The following ARHGEF38 variants were observed in gnomAD, a reference collection of about 807,000 sequenced individuals.
The protein encoded by ARHGEF38 is Rho guanine nucleotide exchange factor (GEF) 38.
In ARHGEF38, 79 loss-of-function variants were observed where a neutral mutation model predicts 79.9. The observed-to-expected ratio is 0.99, with a 90% CI of 0.82 to 1.19. The LOEUF (loss-of-function observed/expected upper bound fraction) is 1.19, where lower values mean the gene tolerates loss of function less well. Among genes scored for constraint, ARHGEF38 ranks in the 50% most tolerant of loss-of-function variants. The probability of loss-of-function intolerance (pLI) is 0.00; values close to 1 mark genes in which losing one functional copy is unlikely to be tolerated. For missense variants in ARHGEF38, 962 were observed against 907.2 expected (o/e 1.06, Z -0.78); for synonymous variants, 366 against 328.3 (o/e 1.11, Z -1.24).
At chr4:105,676,054 A>G (rs899048079) in intron 13 of ARHGEF38, among the ~76,000 whole-genome samples, 2 of 152,252 alleles carry the variant, frequency 1.3e-5, no homozygotes, top group Non-Finnish European at 2.9e-5. Flanking sequence ...AATCAATTGA[A>G]TCAAAGTTTC....
Position 105,630,914 on chromosome 4 carries a change from G to T in ARHGEF38, c.525G>T (p.Gln175His). 1 of 1,610,884 alleles carries T rather than the reference G, an allele frequency of 6.2e-7. No individual in the cohort carries two copies. The highest frequency in any genetic ancestry group is 8.5e-7 in the Non-Finnish European group (1 of 1,179,024). ...ATTTATCAGGAGAAGTATTCTTGCA[G>T]ATTAAAGGGCCACTGGAAGATATTT... is the stretch of plus-strand genomic sequence containing the variant. Reference protein sequence around the residue: ...AMQVIGEVFLQIKGPLEDIYK... With the variant: ...AMQVIGEVFLHIKGPLEDIYK... Residue 175 changes from glutamine (Q) to histidine (H), a missense_variant, in exon 4 of 14, where the codon CAG (glutamine) becomes CAT (histidine). Gln to His is a conservative substitution (Grantham distance 24). Transcript: ENST00000420470.
intron 5 of ARHGEF38, among the ~76,000 whole-genome samples, chr4:105,642,223 G>T (rs145922402): frequency 6.6e-6 from 1 of 152,004 alleles, no homozygotes; most frequent in Non-Finnish European, 1.5e-5. Flanking sequence ...TCTTTTCTAC[G>T]ATATTGCTTG....
intron 4 of ARHGEF38, among the ~76,000 whole-genome samples, chr4:105,635,137 G>A (rs1729347787): frequency 6.6e-6 from 1 of 152,036 alleles, no homozygotes; most frequent in Non-Finnish European, 1.5e-5. Flanking sequence ...GAGGGTAGGA[G>A]GTATAGTGAT....
intron 1 of ARHGEF38, among the ~76,000 whole-genome samples, chr4:105,585,726 C>CTTTTTTTGTTTTT (rs1727004367): frequency 1.4e-5 from 1 of 71,504 alleles, no homozygotes; most frequent in Non-Finnish European, 2.4e-5. Context: ...CCCTCCGTTG[C>CTTTTTTTGTTTTT]TTTTTTTTTT....
chr4:105,578,541 T>C (rs528612453), intron 1 of ARHGEF38, among the ~76,000 whole-genome samples: 8 of 152,304 alleles, frequency 5.3e-5, no homozygotes, highest in Admixed American at 2.0e-4. Context: ...CCCACTATTA[T>C]TGTGTTGCTG....
At chr4:105,628,819 A>G (rs1490429283) in intron 3 of ARHGEF38, among the ~76,000 whole-genome samples, 1 of 152,152 alleles carries the variant, frequency 6.6e-6, no homozygotes, top group African/African-American at 2.4e-5. Flanking sequence ...AAAAGGAAAA[A>G]TATTTTATTG....
intron 1 of ARHGEF38, among the ~76,000 whole-genome samples, chr4:105,580,075 T>A (rs1200601617): frequency 6.7e-6 from 1 of 149,962 alleles, no homozygotes; most frequent in Non-Finnish European, 1.5e-5. Context: ...TGGTATTACC[T>A]CTTTTGCCAT....
intron 2 of ARHGEF38, among the ~76,000 whole-genome samples, chr4:105,597,338 A>G (rs1035582790): frequency 2.0e-5 from 3 of 152,354 alleles, no homozygotes; most frequent in African/African-American, 7.2e-5. Flanking sequence ...TGAATTTTCG[A>G]TGGTCACAGA....
intron 3 of ARHGEF38, among the ~76,000 whole-genome samples, chr4:105,623,364 T>C (rs1171861666): frequency 6.6e-6 from 1 of 152,204 alleles, no homozygotes; most frequent in Non-Finnish European, 1.5e-5. Flanking sequence ...TGCCAGAGAT[T>C]GCTAAGTAAT....
intron 2 of ARHGEF38, 38 bp downstream of exon 2, chr4:105,589,473 T>C (rs1179254283): frequency 6.4e-7 from 1 of 1,552,966 alleles, no homozygotes; most frequent in African/African-American, 1.4e-5. Flanking sequence ...CTCTCCCATA[T>C]CATAAATAGG....
intron 2 of ARHGEF38, among the ~76,000 whole-genome samples, chr4:105,601,874 A>G (rs1157938655): frequency 6.6e-6 from 1 of 152,136 alleles, no homozygotes; most frequent in Non-Finnish European, 1.5e-5. Flanking sequence ...TTTTATCCCT[A>G]TAACATTTAA....
rs143268981 is a variant in ARHGEF38 at position 105,612,703 on chromosome 4, T to C, written c.385-681T>C. On this transcript the variant is annotated intron_variant, in intron 2 of 13. Transcript: ENST00000420470. ...TAACCAATCACTACCTATAACACAG[T>C]CTGGATTCTTTCGTAATTCTTGGTA... Among the ~76,000 whole-genome samples the C allele has an allele frequency of 1.2e-3, 190 of 152,216 alleles. 2 individuals are homozygous for C. Among genetic ancestry groups the C allele is most frequent in the African/African-American group, 4.2e-3 (173 of 41,544 alleles).
chr4:105,681,336 G>C (rs1477147355), downstream of ARHGEF38, among the ~76,000 whole-genome samples: 2 of 151,606 alleles, frequency 1.3e-5, no homozygotes, highest in Non-Finnish European at 2.9e-5. Flanking sequence ...TGTTTACAGA[G>C]ATCACCTATC....
chr4:105,582,179 A>AAAT (rs1464010752), intron 1 of ARHGEF38, among the ~76,000 whole-genome samples: 2 of 151,412 alleles, frequency 1.3e-5, no homozygotes, highest in African/African-American at 4.8e-5. Flanking sequence ...AAAAAAAAAA[A>AAAT]AATCTCGTAT....
intron 1 of ARHGEF38, among the ~76,000 whole-genome samples, chr4:105,571,967 C>G (rs962079681): frequency 6.6e-6 from 1 of 152,162 alleles, no homozygotes; most frequent in Non-Finnish European, 1.5e-5. Context: ...GATATATAGT[C>G]AAACAGCCTG....
At chr4:105,601,407 T>G (rs1234603611) in intron 2 of ARHGEF38, among the ~76,000 whole-genome samples, 1 of 152,112 alleles carries the variant, frequency 6.6e-6, no homozygotes, top group Non-Finnish European at 1.5e-5. Flanking sequence ...AAGCAGAGCC[T>G]GATAAAAGGA....
At chr4:105,640,164 C>T (rs753129884) in intron 5 of ARHGEF38, among the ~76,000 whole-genome samples, 47 of 152,124 alleles carry the variant, frequency 3.1e-4, no homozygotes, top group Non-Finnish European at 6.0e-4. Context: ...CACACACAAA[C>T]GCCTTTTCCA....
Position 105,654,106 on chromosome 4 carries a change from A to G in ARHGEF38, c.1050A>G (p.Arg350=). The G allele has an allele frequency of 6.6e-7, 1 of 1,520,868 alleles. No homozygotes were observed. The highest frequency in any genetic ancestry group is 8.8e-7 in the Non-Finnish European group (1 of 1,136,304). 94.2% of individuals were successfully genotyped at this position (1,520,868 alleles called of 1,614,324 possible). ...TTAACAGAGAAGAAAAGCTGTTTAGAGCTTTAGAAAAGACTGTGAGGCTTT... is the reference window on the plus strand; with the variant it reads ...TTAACAGAGAAGAAAAGCTGTTTAGGGCTTTAGAAAAGACTGTGAGGCTTT... The part of the protein sequence containing the change: ...NTFNREEKLF[R]ALEKTVRLCV... The change falls in exon 8 of 14, where the codon AGA becomes AGG. Residue 350 remains arginine (R), a synonymous_variant. Coordinates refer to ENST00000420470, the MANE Select transcript of ARHGEF38 (RefSeq NM_001242729.2).
rs1560684285 is a variant in ARHGEF38, at chr4:105,561,423, TGG to T, written c.196+8463_196+8464del. 4.1e-4 allele frequency among the ~76,000 whole-genome samples: 21 copies of T among 51,084 alleles called. 2 individuals carry two copies. The highest frequency in any genetic ancestry group is 1.8e-3 in the African/African-American group (19 of 10,666). The allele number at this position is 51,084 out of a possible 152,430, so 33.5% of individuals were successfully genotyped here. ...AATAATAGAATAGAATAGAATAGAA[TGG>T]AATAGAATAGAATAGAATAGAATGG... On this transcript the variant is annotated intron_variant, in intron 1 of 13. Transcript: ENST00000420470.
Sources: allele counts gnomAD v4.1 joint callset (sites outside exome capture counted in the v4.1 genomes callset), GRCh38; gene constraint gnomAD v4.1.1; transcripts MANE v1.5; gene names NCBI Gene and HGNC (gene_info 2026-07-23, HGNC 2026-07-21).